MEF2A: variants seen among roughly 807,000 people sequenced by gnomAD.
The protein encoded by MEF2A is myocyte-specific enhancer factor 2A.
MEF2A carries 28 observed loss-of-function variants against 55.8 expected under a neutral mutation model. That is an observed-to-expected ratio of 0.50 (90% confidence interval 0.37 to 0.69). The LOEUF is 0.69. Among genes scored for constraint, MEF2A ranks in the 30% least tolerant of loss-of-function variants. The pLI, the probability that MEF2A is intolerant of heterozygous loss-of-function variation, is 0.00. For synonymous variants in MEF2A, 239 were observed against 227.1 expected (o/e 1.05, Z -0.47); for missense variants, 528 against 626.2 (o/e 0.84, Z 1.67).
At chr15:99,634,158 T>A (rs1050863294) in intron 3 of MEF2A, among the ~76,000 whole-genome samples, 3 of 152,208 alleles carry the variant, frequency 2.0e-5, no homozygotes, top group African/African-American at 7.2e-5. Context: ...GAAGATGTGT[T>A]CTGCAAATCT....
rs1306718821 is a variant in MEF2A, at chr15:99,616,171, TTAAAAA to T, written c.-142-16802_-142-16797del. Among the ~76,000 whole-genome samples the T allele has an allele frequency of 9.2e-5, 14 of 152,266 alleles. No homozygotes were observed. The South Asian group carries it at 1.9e-3, about 20-fold the overall frequency. ...CAAACAGCTGAGAAAATTGAGATAC[TTAAAAA>T]TAAATAATAGGTATTTTACGTGTAT... On this transcript the variant is annotated intron_variant, in intron 2 of 11. Coordinates refer to ENST00000557942, the MANE Select transcript of MEF2A (RefSeq NM_001319206.4).
Position 99,715,679 on chromosome 15 carries a change from G to A in MEF2A, c.*2908G>A, listed in dbSNP as rs2059081195. ...CCTTTTAGACTCGTGTTTTGTATGA[G>A]ACACCATTGCAAGAAAATTTTATCC... is the stretch of plus-strand genomic sequence containing the variant. On this transcript the variant is annotated 3_prime_UTR_variant, in exon 12 of 12. Coordinates refer to ENST00000557942, the MANE Select transcript of MEF2A (RefSeq NM_001319206.4). 1 of 152,148 alleles carries A rather than the reference G, an allele frequency of 6.6e-6. No individual in the cohort carries two copies. Among genetic ancestry groups the A allele is most frequent in the South Asian group, 2.1e-4 (1 of 4,836 alleles). The allele number at this position is 152,148 out of a possible 1,614,324, so 9.4% of individuals were successfully genotyped here. A position where few individuals can be genotyped will look rare whatever the true frequency, so the allele number is the denominator to read the frequency against.
chr15:99,649,237 A>G (rs902455197), intron 4 of MEF2A, among the ~76,000 whole-genome samples: 7 of 152,200 alleles, frequency 4.6e-5, no homozygotes, highest in Non-Finnish European at 8.8e-5. Flanking sequence ...TATCCCCTAC[A>G]TTAAGAAAGC....
Position 99,713,141 on chromosome 15 carries a change from C to T in MEF2A, c.*370C>T. On this transcript the variant is annotated 3_prime_UTR_variant, in exon 12 of 12. Transcript: ENST00000557942. ...ACTAGCTTGCAGAAACCTAGAGGGC[C>T]CCCTACTTGTTTTATTTAACTGTGC... is the stretch of plus-strand genomic sequence containing the variant. 2.4e-6 allele frequency: 1 copy of T among 422,902 alleles called. No homozygotes were observed. 26.2% of individuals were successfully genotyped at this position (422,902 alleles called of 1,614,324 possible).
intron 8 of MEF2A, among the ~76,000 whole-genome samples, chr15:99,701,350 C>G (rs1369380630): frequency 2.0e-5 from 3 of 152,140 alleles, no homozygotes; most frequent in Non-Finnish European, 2.9e-5. Context: ...GAGAGACATT[C>G]TATAAGATAA....
At chr15:99,636,390 A>T (rs1008274575) in intron 3 of MEF2A, among the ~76,000 whole-genome samples, 1 of 152,184 alleles carries the variant, frequency 6.6e-6, no homozygotes, top group Non-Finnish European at 1.5e-5. Context: ...TGTGATGCCC[A>T]GGCTGGAGTG....
At chr15:99,586,272 T>C (rs1967222310) in intron 1 of MEF2A, among the ~76,000 whole-genome samples, 1 of 152,206 alleles carries the variant, frequency 6.6e-6, no homozygotes, top group Non-Finnish European at 1.5e-5. Flanking sequence ...TCCAAAGTAG[T>C]TGTATGATTT....
At chr15:99,694,416 T>TA (rs1374627592) in intron 8 of MEF2A, among the ~76,000 whole-genome samples, 4 of 152,226 alleles carry the variant, frequency 2.6e-5, no homozygotes, top group African/African-American at 9.7e-5. Flanking sequence ...ATATTTCCCT[T>TA]ATACTAATAA....
At chr15:99,593,120 G>A (rs1207717973) in intron 1 of MEF2A, among the ~76,000 whole-genome samples, 2 of 152,128 alleles carry the variant, frequency 1.3e-5, no homozygotes, top group Non-Finnish European at 2.9e-5. Context: ...GGGCAGTGCT[G>A]CTCTAGAATC....
At chr15:99,606,614 C>T (rs531522025) in intron 2 of MEF2A, among the ~76,000 whole-genome samples, 3 of 151,594 alleles carry the variant, frequency 2.0e-5, no homozygotes, top group South Asian at 2.1e-4. Flanking sequence ...ATTTAAGAAA[C>T]GTGGAAAAAA....
chr15:99,629,909 C>T lies in MEF2A; in HGVS notation c.-142-3069C>T, dbSNP rs149025714. ...GAGCCGAGATCACGCCACTGCACTC[C>T]AGCCTGGGTGACAGAGCAAGTCTCT... On this transcript the variant is annotated intron_variant, in intron 2 of 11. Coordinates refer to ENST00000557942, the MANE Select transcript of MEF2A (RefSeq NM_001319206.4). Among the ~76,000 whole-genome samples the T allele has an allele frequency of 6.6e-3, 996 of 151,928 alleles. 10 individuals carry two copies. Among genetic ancestry groups the T allele is most frequent in the African/African-American group, 0.023 (949 of 41,438 alleles).
In MEF2A at chr15:99,715,833, T is replaced by C. The variant is rs765901989; in HGVS notation, c.*3062T>C. 1 of 152,252 alleles carries C rather than the reference T, an allele frequency of 6.6e-6. No homozygotes were observed. The highest frequency in any genetic ancestry group is 1.5e-5 in the Non-Finnish European group (1 of 68,062). 9.4% of individuals were successfully genotyped at this position (152,252 alleles called of 1,614,324 possible). ...CCACTCCACCGCGAGTGGAAGTCAC[T>C]GTTGTGTGTACACAGGTGGTCCCAA... On this transcript the variant is annotated 3_prime_UTR_variant, in exon 12 of 12. Coordinates refer to ENST00000557942, the MANE Select transcript of MEF2A (RefSeq NM_001319206.4).
chr15:99,596,550 T>TA (rs1971239145), intron 1 of MEF2A, among the ~76,000 whole-genome samples: 1 of 152,208 alleles, frequency 6.6e-6, no homozygotes, highest in African/African-American at 2.4e-5. Flanking sequence ...ATCAGGGTCA[T>TA]AATAATTAAT....
At chr15:99,670,564 C>T (rs1339744384) in intron 4 of MEF2A, among the ~76,000 whole-genome samples, 2 of 151,940 alleles carry the variant, frequency 1.3e-5, no homozygotes, top group African/African-American at 4.8e-5. Flanking sequence ...GAGCCAACAT[C>T]GTGCCACTGC....
Position 99,645,548 on chromosome 15 carries a change from T to C in MEF2A, c.55-13T>C. On this transcript the variant is annotated splice_polypyrimidine_tract_variant and intron_variant, in intron 3 of 11. Transcript: ENST00000557942. The stretch of plus-strand genomic sequence containing the variant: ...AATGCTTTTAATAAAAATATACCTT[T>C]TTTATTGTTTAGGTCACTTTTACAA... 2.5e-6 allele frequency: 4 copies of C among 1,589,168 alleles called. No homozygotes were observed. Among genetic ancestry groups the C allele is most frequent in the Non-Finnish European group, 3.4e-6 (4 of 1,160,954 alleles).
chr15:99,699,257 A>G (rs1209946515), intron 8 of MEF2A, among the ~76,000 whole-genome samples: 1 of 152,248 alleles, frequency 6.6e-6, no homozygotes, highest in African/African-American at 2.4e-5. Context: ...GCTACTCAGC[A>G]ATAAACTGTT....
intron 7 of MEF2A, among the ~76,000 whole-genome samples, chr15:99,684,386 A>C (rs1165715279): frequency 6.6e-6 from 1 of 151,990 alleles, no homozygotes; most frequent in African/African-American, 2.4e-5. Flanking sequence ...TTATTTTTTG[A>C]TTTTTTAAAT....
intron 1 of MEF2A, among the ~76,000 whole-genome samples, chr15:99,584,535 G>C (rs950460235): frequency 1.3e-5 from 2 of 152,094 alleles, no homozygotes; most frequent in Non-Finnish European, 2.9e-5. Flanking sequence ...TGCTGCAACA[G>C]GGATGAATCT....
chr15:99,622,714 C>CT (rs2041414349), intron 2 of MEF2A, among the ~76,000 whole-genome samples: 1 of 79,770 alleles, frequency 1.3e-5, no homozygotes, highest in Admixed American at 1.5e-4. Context: ...TTTTTTTTTT[C>CT]TTTTTTGAGA....
Sources: gnomAD v4.1 joint callset for allele counts (sites outside exome capture counted in the v4.1 genomes callset) on GRCh38, gnomAD v4.1.1 for gene constraint, MANE v1.5 for transcripts, NCBI Gene and HGNC (gene_info 2026-07-23, HGNC 2026-07-21) for gene names.